The following ANK1 variants were observed in gnomAD, a reference collection of about 807,000 sequenced individuals.
ANK1 encodes ankyrin-1.
A neutral mutation model predicts 210.4 loss-of-function variants in ANK1; 51 were observed. The observed-to-expected ratio is 0.24, with a 90% confidence interval of 0.19 to 0.31. The LOEUF (loss-of-function observed/expected upper bound fraction) is 0.31, where lower values mean the gene tolerates loss of function less well. Among genes scored for constraint, ANK1 ranks in the 10% least tolerant of loss-of-function variants. The probability of loss-of-function intolerance (pLI) is 1.00; values close to 1 mark genes in which losing one functional copy is unlikely to be tolerated. For missense variants in ANK1, 2,051 were observed against 2,504.4 expected (o/e 0.82, Z 3.86); for synonymous variants, 967 against 1,025.9 (o/e 0.94, Z 1.10).
At chr8:41,703,450 A>ATATATATATTTATTT (rs59985416) in intron 20 of ANK1, among the ~76,000 whole-genome samples, 1 of 58,828 alleles carries the variant, frequency 1.7e-5, no homozygotes, top group Non-Finnish European at 2.8e-5. Context: ...ATATATATAT[A>ATATATATATTTATTT]TTTTTTTTTT....
At chr8:41,739,993 G>A (rs1352465956) in intron 2 of ANK1, among the ~76,000 whole-genome samples, 3 of 151,918 alleles carry the variant, frequency 2.0e-5, no homozygotes, top group Non-Finnish European at 4.4e-5. Context: ...TATTAGGCAG[G>A]CTCTGTACAT....
chr8:41,814,819 C>G (rs942378682), intron 1 of ANK1, among the ~76,000 whole-genome samples: 4 of 151,150 alleles, frequency 2.6e-5, no homozygotes, highest in Non-Finnish European at 5.9e-5. Flanking sequence ...TAGCAGATTT[C>G]TAGGAATTGC....
At chr8:41,893,582 T>G (rs1453993175) in intron 1 of ANK1, among the ~76,000 whole-genome samples, 1 of 152,218 alleles carries the variant, frequency 6.6e-6, no homozygotes, top group Admixed American at 6.5e-5. Flanking sequence ...CCATGGTTAT[T>G]TCTACAAACG....
Position 41,725,804 on chromosome 8 carries a change from G to T in ANK1, c.569C>A (p.Ala190Glu). The change falls in exon 6 of 43, where the codon GCG (alanine) becomes GAG (glutamate). Residue 190 changes from alanine (A) to glutamate (E), a missense_variant. Physicochemically the swap from Ala to Glu is moderately radical, Grantham distance 107 (BLOSUM62 -1). Around this residue, in one of 6 missense-constraint regions of ANK1, gnomAD observed 1,413 missense variants for 1,707.4 expected, o/e 0.83. Transcript: ENST00000289734. Reference protein sequence around the residue: ...AARNDDTRTAAVLLQNDPNPD... With the variant: ...AARNDDTRTAEVLLQNDPNPD... ...GTTGGGGTCGTTCTGCAGCAGCACCGCAGCCGTGCGCGTGTCGTCGTTGCG... is the reference window on the plus strand; with the variant it reads ...GTTGGGGTCGTTCTGCAGCAGCACCTCAGCCGTGCGCGTGTCGTCGTTGCG... 6.2e-7 allele frequency: 1 copy of T among 1,611,646 alleles called. No individual in the cohort carries two copies.
intron 9 of ANK1, among the ~76,000 whole-genome samples, chr8:41,722,561 G>GT (rs1329342177): frequency 6.6e-6 from 1 of 152,204 alleles, no homozygotes; most frequent in African/African-American, 2.4e-5. Flanking sequence ...TCAGAGCCAC[G>GT]TAACGGGCCT....
At chr8:41,665,390 AGTGAAAGTCACT>A (rs1187538193) in intron 39 of ANK1, 7 of 783,572 alleles carry the variant, frequency 8.9e-6, no homozygotes, top group Non-Finnish European at 1.3e-5. Context: ...TGAAAGCACA[AGTGAAAGTCACT>A]GTGTGAGTGA....
chr8:41,715,987 T>C, intron 13 of ANK1, 138 bp from the exon 14 acceptor site: 1 of 997,860 alleles, frequency 1.0e-6, no homozygotes, highest in Non-Finnish European at 1.5e-6. Context: ...AGATGAAGAG[T>C]CAGGATTCGA....
intron 1 of ANK1, among the ~76,000 whole-genome samples, chr8:41,873,774 C>T (rs747617818): frequency 2.0e-4 from 31 of 152,332 alleles, no homozygotes; most frequent in Middle Eastern, 3.4e-3. Flanking sequence ...ACCTCAGAGA[C>T]CTTGGATGCT....
chr8:41,702,433 A>C (rs1823106106), intron 20 of ANK1, among the ~76,000 whole-genome samples: 1 of 152,038 alleles, frequency 6.6e-6, no homozygotes, highest in Non-Finnish European at 1.5e-5. Context: ...TCCCAAGGAG[A>C]AGTCAGGCTC....
intron 1 of ANK1, among the ~76,000 whole-genome samples, chr8:41,807,323 C>G (rs1851111266): frequency 6.6e-6 from 1 of 152,192 alleles, no homozygotes; most frequent in Admixed American, 6.5e-5. Context: ...GACTTCAATC[C>G]AAGTCTCATG....
chr8:41,808,254 C>G (rs1235359333), intron 1 of ANK1, among the ~76,000 whole-genome samples: 2 of 152,204 alleles, frequency 1.3e-5, no homozygotes, highest in Non-Finnish European at 2.9e-5. Context: ...GGGGTTGTTT[C>G]AATTCCAGAG....
chr8:41,723,911 TC>T (rs1830018019), intron 7 of ANK1, among the ~76,000 whole-genome samples: 1 of 150,954 alleles, frequency 6.6e-6, no homozygotes, highest in African/African-American at 2.4e-5. Context: ...TGCCTCAGCC[TC>T]CTGTGTAGCT....
At chr8:41,745,969 C>T (rs534084373) in intron 2 of ANK1, among the ~76,000 whole-genome samples, 1 of 152,326 alleles carries the variant, frequency 6.6e-6, no homozygotes, top group African/African-American at 2.4e-5. Flanking sequence ...GCCATCCTCC[C>T]GCCTCAGCCT....
chr8:41,686,001 A>C, intron 36 of ANK1, 151 bp downstream of exon 36: 1 of 1,239,340 alleles, frequency 8.1e-7, no homozygotes, highest in Non-Finnish European at 1.2e-6. Context: ...TGCCTGGAAG[A>C]CCTCCTGATG....
chr8:41,858,984 C>T (rs1587464742), intron 1 of ANK1, among the ~76,000 whole-genome samples: 1 of 152,202 alleles, frequency 6.6e-6, no homozygotes, highest in Non-Finnish European at 1.5e-5. Context: ...CGCAGAGGGG[C>T]GGCGCCCAGC....
intron 1 of ANK1, among the ~76,000 whole-genome samples, chr8:41,784,288 G>A (rs1005579683): frequency 6.6e-6 from 1 of 151,970 alleles, no homozygotes; most frequent in Non-Finnish European, 1.5e-5. Flanking sequence ...CTAGCCTCCT[G>A]GTGCCCAGGA....
At chr8:41,873,375 T>C (rs868122877) in intron 1 of ANK1, among the ~76,000 whole-genome samples, 4 of 152,348 alleles carry the variant, frequency 2.6e-5, no homozygotes, top group Non-Finnish European at 1.5e-5. Context: ...ACACTGAAGA[T>C]GGTGATGTTA....
rs146429310 is a variant in ANK1, at chr8:41,758,288, G to T, written c.28-151C>A. 4,669 of 766,956 alleles carry T rather than the reference G, an allele frequency of 6.1e-3. 33 individuals carry two copies. The highest frequency in any genetic ancestry group is 7.7e-3 in the Non-Finnish European group (3,324 of 430,662). The allele number at this position is 766,956 out of a possible 1,614,324, so 47.5% of individuals were successfully genotyped here. ...ACACCAGGTGTGCACAGGAGCCTGA[G>T]AGCCCCTGGTTGGACTGCCTTCACA... On this transcript the variant is annotated intron_variant, in intron 1 of 42. Transcript: ENST00000289734.
chr8:41,861,443 C>T (rs892578635), intron 1 of ANK1, among the ~76,000 whole-genome samples: 5 of 152,348 alleles, frequency 3.3e-5, no homozygotes, highest in Admixed American at 6.5e-5. Context: ...GTGAAATTAA[C>T]GCACAGCTTG....
Sources: gnomAD v4.1 joint callset for allele counts (sites outside exome capture counted in the v4.1 genomes callset) on GRCh38, gnomAD v4.1.1 for gene constraint, gnomAD v4.1.1 regional missense constraint, MANE v1.5 for transcripts, NCBI Gene and HGNC (gene_info 2026-07-23, HGNC 2026-07-21) for gene names.